GTF2B: variants seen among roughly 807,000 people sequenced by gnomAD.
The protein encoded by GTF2B is general transcription factor IIB, also known as transcription initiation factor IIB.
GTF2B carries 20 observed loss-of-function variants against 34.6 expected under a neutral mutation model. That is an observed-to-expected ratio of 0.58 (90% confidence interval 0.41 to 0.84). GTF2B has a LOEUF of 0.84. GTF2B is among the 40% of genes least tolerant of loss of function. The pLI is 0.00. For synonymous variants in GTF2B, 142 were observed against 132.4 expected (o/e 1.07, Z -0.50); for missense variants, 237 against 393.3 (o/e 0.60, Z 3.36).
intron 2 of GTF2B, among the ~76,000 whole-genome samples, chr1:88,883,190 A>C (rs1673986395): frequency 6.6e-6 from 1 of 152,258 alleles, no homozygotes; most frequent in Non-Finnish European, 1.5e-5. Flanking sequence ...TGATGAATTC[A>C]TTAAGACATA....
At chr1:88,863,220 C>T (rs1447560470) in intron 3 of GTF2B, among the ~76,000 whole-genome samples, 2 of 152,188 alleles carry the variant, frequency 1.3e-5, no homozygotes, top group African/African-American at 4.8e-5. Flanking sequence ...TCTATAAGTA[C>T]TCTTATTCTC....
At chr1:88,853,660 C>T (rs1273466475) in intron 6 of GTF2B, among the ~76,000 whole-genome samples, 2 of 151,946 alleles carry the variant, frequency 1.3e-5, no homozygotes, top group African/African-American at 4.8e-5. Flanking sequence ...AAAAATTAGC[C>T]AGGCGTGGTG....
chr1:88,881,846 G>C (rs1247588019), intron 2 of GTF2B, among the ~76,000 whole-genome samples: 4 of 152,070 alleles, frequency 2.6e-5, no homozygotes, highest in African/African-American at 9.7e-5. Flanking sequence ...CCTTTGGTTT[G>C]ATATAGCAGA....
intron 3 of GTF2B, among the ~76,000 whole-genome samples, chr1:88,862,605 TG>T (rs887442874): frequency 6.6e-6 from 1 of 152,048 alleles, no homozygotes; most frequent in Non-Finnish European, 1.5e-5. Context: ...CCCAGCACTT[TG>T]GGTGCCTGAG....
chr1:88,883,224 A>G (rs1459792413), intron 2 of GTF2B, among the ~76,000 whole-genome samples: 5 of 152,234 alleles, frequency 3.3e-5, no homozygotes, highest in Non-Finnish European at 5.9e-5. Context: ...AGCAAAAGCT[A>G]ATTTTCAAAA....
chr1:88,858,763 T>A (rs1221425791), intron 5 of GTF2B: 1 of 152,030 alleles, frequency 6.6e-6, no homozygotes, highest in African/African-American at 2.4e-5. Flanking sequence ...GAACAAATTA[T>A]CACATATTCA....
intron 2 of GTF2B, 122 bp downstream of exon 2, chr1:88,887,139 G>A (rs192060467): frequency 7.1e-5 from 43 of 602,254 alleles, no homozygotes; most frequent in Middle Eastern, 5.7e-4. Context: ...GGCTGGTCTC[G>A]AACTCCTGAC....
chr1:88,887,433 T>C (rs573922405), intron 1 of GTF2B, 66 bp from the exon 2 acceptor site: 2 of 920,578 alleles, frequency 2.2e-6, no homozygotes, highest in Non-Finnish European at 3.6e-6. Context: ...TCTTCTGGGA[T>C]GGGGGATGGG....
At chr1:88,859,271 T>G (rs1557653322) in intron 5 of GTF2B, among the ~76,000 whole-genome samples, 1 of 152,168 alleles carries the variant, frequency 6.6e-6, no homozygotes, top group Non-Finnish European at 1.5e-5. Flanking sequence ...TACTTTGGTT[T>G]ACGATTATAG....
chr1:88,855,389 G>A (rs954231761), intron 6 of GTF2B, among the ~76,000 whole-genome samples: 1 of 123,342 alleles, frequency 8.1e-6, no homozygotes, highest in Non-Finnish European at 1.6e-5. Flanking sequence ...AGACAGTCCT[G>A]TCTCCCAGAC....
chr1:88,881,169 TAAAAA>T (rs537366934), intron 2 of GTF2B, among the ~76,000 whole-genome samples: 13 of 125,326 alleles, frequency 1.0e-4, no homozygotes, highest in African/African-American at 3.4e-4. Context: ...GGTATGTATT[TAAAAA>T]AAAAAAAAAA....
intron 4 of GTF2B, 36 bp downstream of exon 4, chr1:88,860,104 G>T: frequency 6.2e-7 from 1 of 1,612,376 alleles, no homozygotes; most frequent in Non-Finnish European, 8.5e-7. Context: ...CAAAGTCAAT[G>T]CCAGAATGGC....
At chr1:88,862,305 G>A (rs1328939112) in intron 3 of GTF2B, among the ~76,000 whole-genome samples, 1 of 152,146 alleles carries the variant, frequency 6.6e-6, no homozygotes, top group Non-Finnish European at 1.5e-5. Flanking sequence ...CACCTTGGGA[G>A]GCCGAGGTGG....
chr1:88,875,099 A>G (rs999290291), intron 2 of GTF2B, among the ~76,000 whole-genome samples: 2 of 152,182 alleles, frequency 1.3e-5, no homozygotes, highest in Admixed American at 6.5e-5. Flanking sequence ...TTTTTAGTCT[A>G]GGGTCACTAT....
Position 88,857,503 on chromosome 1 carries a change from TTAAA to T in GTF2B, c.536-20_536-17del, listed in dbSNP as rs755137080. On this transcript the variant is annotated splice_polypyrimidine_tract_variant and intron_variant, in intron 5 of 6. Coordinates refer to ENST00000370500, the MANE Select transcript of GTF2B (RefSeq NM_001514.6). ...GCACATATTTCTAAAAGAAAAAAAA[TTAAA>T]TAAATCAATTCACTTAAGCCATATA... is the stretch of plus-strand genomic sequence containing the variant. 3.6e-6 allele frequency: 5 copies of T among 1,388,080 alleles called. No individual in the cohort carries two copies. The South Asian group carries it at 3.6e-5, about 10-fold the overall frequency. 86.0% of individuals were successfully genotyped at this position (1,388,080 alleles called of 1,614,324 possible).
chr1:88,891,536 C>T lies in GTF2B; in HGVS notation c.-37G>A, dbSNP rs1674211244. The T allele has an allele frequency of 1.3e-6, 2 of 1,589,102 alleles. No homozygotes were observed. Among genetic ancestry groups the T allele is most frequent in the East Asian group, 2.3e-5 (1 of 43,940 alleles). On this transcript the variant is annotated 5_prime_UTR_variant, in exon 1 of 7. Coordinates refer to ENST00000370500, the MANE Select transcript of GTF2B (RefSeq NM_001514.6). ...CTGCGGTGCCCGCAACAAGACACAA[C>T]AGACACACCGAAAGCAGGAAGCGAA...
intron 2 of GTF2B, among the ~76,000 whole-genome samples, chr1:88,885,504 T>C (rs958723454): frequency 3.3e-5 from 5 of 151,530 alleles, no homozygotes; most frequent in Non-Finnish European, 5.9e-5. Context: ...TCCCAGCACT[T>C]TGGGAGGCCA....
At chr1:88,881,029 A>G (rs1673925660) in intron 2 of GTF2B, among the ~76,000 whole-genome samples, 1 of 146,928 alleles carries the variant, frequency 6.8e-6, no homozygotes, top group Non-Finnish European at 1.5e-5. Flanking sequence ...AAAAAAAAAG[A>G]ACTAGTAAGT....
rs1372579202 is a variant in GTF2B, at chr1:88,853,165, C to T, written c.*48G>A. ...CCCAGCATTTTGTATAGGCTATGTA[C>T]AACAGGCAAAGTTTTGTATTCAAGA... On this transcript the variant is annotated 3_prime_UTR_variant, in exon 7 of 7. Coordinates refer to ENST00000370500, the MANE Select transcript of GTF2B (RefSeq NM_001514.6). 11 of 1,591,058 alleles carry T rather than the reference C, an allele frequency of 6.9e-6. No individual in the cohort carries two copies. The South Asian group carries it at 1.1e-4, about 16-fold the overall frequency.
Sources: gnomAD v4.1 joint callset for allele counts (sites outside exome capture counted in the v4.1 genomes callset) on GRCh38, gnomAD v4.1.1 for gene constraint, MANE v1.5 for transcripts, NCBI Gene and HGNC (gene_info 2026-07-23, HGNC 2026-07-21) for gene names.